Variants in USP35 observed in about 807,000 individuals in gnomAD.
USP35 encodes ubiquitin carboxyl-terminal hydrolase 35.
A neutral mutation model predicts 83.8 loss-of-function variants in USP35; 69 were observed. The observed-to-expected ratio is 0.82, with a 90% confidence interval of 0.68 to 1.01. The LOEUF is 1.01. Ranked by LOEUF, USP35 falls within the 50% of genes least tolerant of loss-of-function variation. USP35 has a pLI of 0.00. For missense variants in USP35, 1,503 were observed against 1,362.5 expected (o/e 1.10, Z -1.62); for synonymous variants, 714 against 589.5 (o/e 1.21, Z -3.06).
At position 78,214,591 on chromosome 11, in the gene USP35, C is replaced by G. The variant is rs138369498; in HGVS notation, c.*778C>G. ...GAGCAGTTGGCCTTTGTAGCTGCAA[C>G]AGCAGCCACCTGCAGGTTGGGTGAA... is the stretch of plus-strand genomic sequence containing the variant. On this transcript the variant is annotated 3_prime_UTR_variant, in exon 11 of 11. Transcript: ENST00000529308. 6.6e-6 allele frequency: 1 copy of G among 152,426 alleles called. No individual in the cohort carries two copies. Among genetic ancestry groups the G allele is most frequent in the Non-Finnish European group, 1.5e-5 (1 of 68,082 alleles). 9.4% of individuals were successfully genotyped at this position (152,426 alleles called of 1,614,324 possible). A position where few individuals can be genotyped will look rare whatever the true frequency, so the allele number is the denominator to read the frequency against.
intron 2 of USP35, 98 bp from the exon 3 acceptor site, chr11:78,197,838 A>C: frequency 2.7e-6 from 4 of 1,479,556 alleles, no homozygotes; most frequent in Non-Finnish European, 3.6e-6. Context: ...CTCTTCCTAG[A>C]GGCCCAGCCC....
At chr11:78,220,369 C>T in the USP35 span, 2 of 1,613,064 alleles carry the variant, frequency 1.2e-6, no homozygotes, top group Non-Finnish European at 1.7e-6. Flanking sequence ...GCCAGATAAT[C>T]AACGCTGCCG....
At chr11:78,198,658 C>T (rs955662730) in intron 3 of USP35, 30 of 985,308 alleles carry the variant, frequency 3.0e-5, no homozygotes, top group Middle Eastern at 5.2e-4. Context: ...GCAGATCCAC[C>T]GTCTTCGTAG....
rs563596507 is a variant in USP35 at position 78,195,625 on chromosome 11, C to T, written c.-10-611C>T. ...TGCTCTTACCTGCCCTGAGAGTGGA[C>T]AGGGTCACCAGGGAGGTCTGGGGAG... On this transcript the variant is annotated intron_variant, in intron 1 of 10. Transcript: ENST00000529308. 1.9e-3 allele frequency among the ~76,000 whole-genome samples: 288 copies of T among 152,260 alleles called. 2 individuals are homozygous for T. The highest frequency in any genetic ancestry group is 6.8e-3 in the African/African-American group (284 of 41,544).
At chr11:78,219,457 C>A, downstream of USP35, 1 of 1,595,180 alleles carries the variant, frequency 6.3e-7, no homozygotes, top group East Asian at 2.2e-5. Context: ...CTGTGAGTTA[C>A]CAGTTAGGTG....
Position 78,213,971 on chromosome 11 carries a change from GAAGT to G in USP35, c.*162_*165del. The G allele has an allele frequency of 5.2e-6, 4 of 773,238 alleles. No homozygotes were observed. The highest frequency in any genetic ancestry group is 7.5e-6 in the Non-Finnish European group (4 of 533,350). 47.9% of individuals were successfully genotyped at this position (773,238 alleles called of 1,614,324 possible). On this transcript the variant is annotated 3_prime_UTR_variant, in exon 11 of 11. Coordinates refer to ENST00000529308, the MANE Select transcript of USP35 (RefSeq NM_020798.4). The stretch of plus-strand genomic sequence containing the variant: ...GTACACAGAGATTCTCTCAGATATG[GAAGT>G]AAGACCTAAGTCCCTTTCATTGGGG...
the USP35 span, among the ~76,000 whole-genome samples, chr11:78,230,251 A>G: frequency 6.6e-6 from 1 of 152,208 alleles, no homozygotes; most frequent in African/African-American, 2.4e-5. Context: ...AGAACCCACT[A>G]GCTTACGTTC....
chr11:78,207,321 T>G, intron 7 of USP35: 1 of 555,946 alleles, frequency 1.8e-6, no homozygotes. Context: ...GTCTAAAACA[T>G]GTCTATTGTT....
At chr11:78,232,753 G>T in the USP35 span, among the ~76,000 whole-genome samples, 1 of 152,060 alleles carries the variant, frequency 6.6e-6, no homozygotes, top group African/African-American at 2.4e-5. Flanking sequence ...AATGAAAAAA[G>T]AGATAGATAG....
Position 78,214,248 on chromosome 11 carries a change from C to A in USP35, c.*435C>A, listed in dbSNP as rs1409546992. ...GCCTTGCACAAAGGGGTGGGGGGGGCAGTGTCTCCTCTGGCTGTCCTGTTT... is the reference window on the plus strand; with the variant it reads ...GCCTTGCACAAAGGGGTGGGGGGGGAAGTGTCTCCTCTGGCTGTCCTGTTT... On this transcript the variant is annotated 3_prime_UTR_variant, in exon 11 of 11. Transcript: ENST00000529308. 7.4e-6 allele frequency: 1 copy of A among 135,672 alleles called. No individual in the cohort carries two copies. Among genetic ancestry groups the A allele is most frequent in the East Asian group, 2.3e-4 (1 of 4,270 alleles). The allele number at this position is 135,672 out of a possible 1,614,324, so 8.4% of individuals were successfully genotyped here. A position where few individuals can be genotyped will look rare whatever the true frequency, so the allele number is the denominator to read the frequency against.
At chr11:78,230,635 G>C in the USP35 span, among the ~76,000 whole-genome samples, 1 of 152,258 alleles carries the variant, frequency 6.6e-6, no homozygotes, top group Non-Finnish European at 1.5e-5. Flanking sequence ...CCCTGGCATA[G>C]TGCCAGGCAT....
the USP35 span, among the ~76,000 whole-genome samples, chr11:78,236,061 GTCT>G: frequency 6.6e-6 from 1 of 152,082 alleles, no homozygotes; most frequent in Non-Finnish European, 1.5e-5. Context: ...ATAATAATAG[GTCT>G]TCTAGTTCAT....
At position 78,196,910 on chromosome 11, in the gene USP35, C is replaced by T; in HGVS notation, c.665C>T (p.Ser222Phe). Residue 222 changes from serine (S) to phenylalanine (F), a missense_variant, in exon 2 of 11, where the codon TCC (serine) becomes TTC (phenylalanine). Coordinates refer to ENST00000529308, the MANE Select transcript of USP35 (RefSeq NM_020798.4). The surrounding 1 kb of genome is among the most constrained non-coding windows in gnomAD (Gnocchi z 4.8). ...PCLKELFAVISCAEEEPPSSA... is the reference protein window; with the variant it reads ...PCLKELFAVIFCAEEEPPSSA... ...CTCAAAGAGCTGTTCGCAGTCATCT[C>T]CTGCGCAGGTGCGTGTGCGGCCGGG... is the stretch of plus-strand genomic sequence containing the variant. The T allele has an allele frequency of 2.1e-6, 3 of 1,462,506 alleles. No homozygotes were observed. The highest frequency in any genetic ancestry group is 1.4e-5 in the South Asian group (1 of 73,108). 90.6% of individuals were successfully genotyped at this position (1,462,506 alleles called of 1,614,324 possible).
chr11:78,219,097 A>G, downstream of USP35: 4 of 613,472 alleles, frequency 6.5e-6, no homozygotes, highest in Non-Finnish European at 1.1e-5. Flanking sequence ...TGCCTTGATC[A>G]GGCCCTCACC....
At chr11:78,202,861 C>T (rs1863398979) in intron 6 of USP35, among the ~76,000 whole-genome samples, 1 of 152,146 alleles carries the variant, frequency 6.6e-6, no homozygotes, top group Admixed American at 6.5e-5. Context: ...TGTCTGTTTC[C>T]TGCTAGACAG....
At chr11:78,215,638 C>T (rs562575620), downstream of USP35, 11 of 152,268 alleles carry the variant, frequency 7.2e-5, no homozygotes, top group African/African-American at 2.7e-4. Context: ...TTTCAAGACA[C>T]AAGTAGCCAA....
chr11:78,212,959 C>G (rs1268278032), intron 10 of USP35, among the ~76,000 whole-genome samples: 1 of 152,096 alleles, frequency 6.6e-6, no homozygotes, highest in Non-Finnish European at 1.5e-5. Flanking sequence ...CTGTGTGACT[C>G]CCTAGAGTCA....
At chr11:78,227,083 G>A in the USP35 span, 7 of 1,424,094 alleles carry the variant, frequency 4.9e-6, no homozygotes, top group Non-Finnish European at 6.9e-6. Context: ...GGGCAGGAGG[G>A]TGAGACAATT....
chr11:78,211,701 A>G (rs1226578022), intron 10 of USP35, among the ~76,000 whole-genome samples: 1 of 152,164 alleles, frequency 6.6e-6, no homozygotes, highest in East Asian at 1.9e-4. Flanking sequence ...ATGGTCAGTG[A>G]TGTTGAATTT....
Sources: gnomAD v4.1 joint callset for allele counts (sites outside exome capture counted in the v4.1 genomes callset) on GRCh38, gnomAD v4.1.1 for gene constraint, Gnocchi (gnomAD v3.1) non-coding constraint, MANE v1.5 for transcripts, NCBI Gene and HGNC (gene_info 2026-07-23, HGNC 2026-07-21) for gene names.